Variants in PINX1 observed in about 807,000 individuals in gnomAD.
The protein encoded by PINX1 is PIN2/TERF1-interacting telomerase inhibitor 1.
PINX1 carries 34 observed loss-of-function variants against 25.4 expected under a neutral mutation model. That is an observed-to-expected ratio of 1.34 (90% CI 1.02 to 1.78). The LOEUF is 1.78. Ranked by LOEUF, PINX1 falls within the 40% of genes most tolerant of loss-of-function variation. PINX1 has a pLI of 0.00. For missense variants in PINX1, 592 were observed against 404.9 expected (o/e 1.46, Z -3.97); for synonymous variants, 197 against 147.7 (o/e 1.33, Z -2.42).
intron 6 of PINX1, among the ~76,000 whole-genome samples, chr8:10,791,803 G>A (rs1015593786): frequency 5.9e-5 from 9 of 152,148 alleles, no homozygotes; most frequent in Admixed American, 2.0e-4. Context: ...CCAGCACTGC[G>A]CGAGGCAAAG....
At chr8:10,769,245 C>G (rs992869527) in intron 6 of PINX1, among the ~76,000 whole-genome samples, 1 of 152,088 alleles carries the variant, frequency 6.6e-6, no homozygotes, top group Non-Finnish European at 1.5e-5. Context: ...GAGGTTTTTG[C>G]CACTAATGGC....
rs1586174006 is a variant in PINX1, at chr8:10,805,291, T to A, written c.471+14902A>T. 2.6e-5 allele frequency among the ~76,000 whole-genome samples: 4 copies of A among 152,342 alleles called. No individual in the cohort carries two copies. The East Asian group carries it at 5.8e-4, about 22-fold the overall frequency. Reference sequence around the variant, plus strand: ...GCAAAAGACATCCACGTCAGGGTAATAACAACCAGCATGTATTTATGGAGG... The same window carrying A: ...GCAAAAGACATCCACGTCAGGGTAAAAACAACCAGCATGTATTTATGGAGG... On this transcript the variant is annotated intron_variant, in intron 6 of 6. Transcript: ENST00000314787.
intron 6 of PINX1, among the ~76,000 whole-genome samples, chr8:10,801,576 TC>T (rs1210926030): frequency 6.6e-6 from 1 of 152,172 alleles, no homozygotes; most frequent in Non-Finnish European, 1.5e-5. Flanking sequence ...AGTTTCCTTT[TC>T]TGGAAGTCCA....
chr8:10,784,470 G>C (rs1187600317), intron 6 of PINX1, among the ~76,000 whole-genome samples: 3 of 152,206 alleles, frequency 2.0e-5, no homozygotes, highest in South Asian at 2.1e-4. Flanking sequence ...GATTCCCAAA[G>C]TCTACTCAAC....
At chr8:10,805,371 G>A (rs760027005) in intron 6 of PINX1, among the ~76,000 whole-genome samples, 42 of 152,246 alleles carry the variant, frequency 2.8e-4, no homozygotes, top group South Asian at 6.2e-4. Context: ...GTTAGGAATG[G>A]CATATTTCCA....
intron 6 of PINX1, among the ~76,000 whole-genome samples, chr8:10,802,246 G>A (rs1385214120): frequency 3.3e-5 from 5 of 152,178 alleles, no homozygotes; most frequent in Non-Finnish European, 7.3e-5. Context: ...TGCTTTAGGG[G>A]GAAGCTCACA....
intron 6 of PINX1, among the ~76,000 whole-genome samples, chr8:10,775,006 T>C (rs1390867959): frequency 1.3e-5 from 2 of 152,116 alleles, no homozygotes; most frequent in Non-Finnish European, 2.9e-5. Flanking sequence ...ATTTTTAGCA[T>C]AGACAAAAAC....
chr8:10,814,315 T>C (rs1247718989), intron 6 of PINX1, among the ~76,000 whole-genome samples: 1 of 152,244 alleles, frequency 6.6e-6, no homozygotes, highest in Non-Finnish European at 1.5e-5. Context: ...TCTTTCACCA[T>C]TGAAGCAAGT....
chr8:10,812,442 T>C (rs949627958), intron 6 of PINX1, among the ~76,000 whole-genome samples: 1 of 152,208 alleles, frequency 6.6e-6, no homozygotes, highest in East Asian at 1.9e-4. Flanking sequence ...GCTGGGACTC[T>C]TGCCTGGTAC....
chr8:10,772,077 G>A (rs914904935), intron 6 of PINX1, among the ~76,000 whole-genome samples: 3 of 152,230 alleles, frequency 2.0e-5, no homozygotes, highest in Non-Finnish European at 2.9e-5. Context: ...CTTTTTGTGG[G>A]ATTAGTTGAA....
intron 6 of PINX1, among the ~76,000 whole-genome samples, chr8:10,795,567 AT>A (rs1268680828): frequency 6.6e-6 from 1 of 152,102 alleles, no homozygotes; most frequent in Non-Finnish European, 1.5e-5. Context: ...TGCCTGGCTA[AT>A]TTTTGTATTC....
chr8:10,781,031 G>C (rs966194804), intron 6 of PINX1, among the ~76,000 whole-genome samples: 11 of 152,126 alleles, frequency 7.2e-5, no homozygotes, highest in African/African-American at 2.7e-4. Flanking sequence ...ACAGGTTAGA[G>C]AACTGAAATA....
chr8:10,829,747 G>A (rs930956251), intron 4 of PINX1, among the ~76,000 whole-genome samples: 5 of 151,758 alleles, frequency 3.3e-5, no homozygotes, highest in Admixed American at 1.3e-4. Context: ...GTGCAATGGC[G>A]TGATCTCGCC....
chr8:10,807,230 A>G (rs1802479253), intron 6 of PINX1, among the ~76,000 whole-genome samples: 1 of 151,964 alleles, frequency 6.6e-6, no homozygotes, highest in Non-Finnish European at 1.5e-5. Flanking sequence ...TAACAATGAG[A>G]TAGTAAGACA....
At chr8:10,831,545 A>G (rs894884216) in intron 4 of PINX1, 120 bp downstream of exon 4, 9 of 690,066 alleles carry the variant, frequency 1.3e-5, no homozygotes, top group Non-Finnish European at 2.4e-5. Flanking sequence ...AGGTATTGAC[A>G]TATCACACTA....
chr8:10,838,439 A>T (rs528486599), intron 1 of PINX1, among the ~76,000 whole-genome samples: 91 of 152,362 alleles, frequency 6.0e-4, no homozygotes, highest in African/African-American at 2.1e-3. Context: ...TCTATACTTC[A>T]GACTTTTCAA....
At chr8:10,813,787 G>C (rs974090076) in intron 6 of PINX1, among the ~76,000 whole-genome samples, 23 of 152,034 alleles carry the variant, frequency 1.5e-4, no homozygotes, top group South Asian at 2.1e-4. Context: ...TGAGAATGCT[G>C]GTAACACATT....
At chr8:10,799,069 C>A (rs1802180232) in intron 6 of PINX1, among the ~76,000 whole-genome samples, 1 of 152,048 alleles carries the variant, frequency 6.6e-6, no homozygotes, top group South Asian at 2.1e-4. Context: ...GGAAACTGAT[C>A]ATCTGTATTA....
intron 6 of PINX1, among the ~76,000 whole-genome samples, chr8:10,768,207 C>G (rs974354613): frequency 1.3e-5 from 2 of 152,194 alleles, no homozygotes. Context: ...AGAAGTCTCA[C>G]TGACAGTTTC....
Sources: allele counts gnomAD v4.1 joint callset (sites outside exome capture counted in the v4.1 genomes callset), GRCh38; gene constraint gnomAD v4.1.1; transcripts MANE v1.5; gene names NCBI Gene and HGNC (gene_info 2026-07-23, HGNC 2026-07-21).